The following NSD3 variants were observed in gnomAD, a reference collection of about 807,000 sequenced individuals.
NSD3 encodes the protein nuclear receptor binding SET domain protein 3.
Under a neutral mutation model 160.8 loss-of-function variants are expected in NSD3, and 24 were observed. That is an observed-to-expected ratio of 0.15 (90% CI 0.11 to 0.21). The LOEUF (loss-of-function observed/expected upper bound fraction) is 0.21. Ranked by LOEUF, NSD3 falls within the 10% of genes least tolerant of loss-of-function variation. NSD3 has a pLI of 1.00. For synonymous variants in NSD3, 520 were observed against 600.0 expected (o/e 0.87, Z 1.95); for missense variants, 1,157 against 1,735.9 (o/e 0.67, Z 5.93).
At chr8:38,291,214 T>G (rs766131527) in intron 16 of NSD3, among the ~76,000 whole-genome samples, 2 of 152,230 alleles carry the variant, frequency 1.3e-5, no homozygotes, top group Non-Finnish European at 2.9e-5. Flanking sequence ...TTTCAGAATC[T>G]AATTCATCTT....
At chr8:38,375,552 C>G (rs2150397446) in intron 1 of NSD3, among the ~76,000 whole-genome samples, 1 of 151,894 alleles carries the variant, frequency 6.6e-6, no homozygotes, top group South Asian at 2.1e-4. Flanking sequence ...TTACTAACAG[C>G]AACAGTAAAA....
At chr8:38,348,346 A>C in intron 1 of NSD3, 131 bp from the exon 2 acceptor site, 1 of 612,180 alleles carries the variant, frequency 1.6e-6, no homozygotes, top group Non-Finnish European at 2.6e-6. Context: ...GACATTAAAT[A>C]TTTCTAAAAC....
At chr8:38,303,501 A>G in intron 14 of NSD3, 1 of 537,076 alleles carries the variant, frequency 1.9e-6, no homozygotes, top group Non-Finnish European at 2.4e-6. Context: ...AGACCCTGCT[A>G]GCTACTCCAC....
intron 12 of NSD3, among the ~76,000 whole-genome samples, chr8:38,307,114 C>CAAAAA (rs1194554014): frequency 7.8e-5 from 5 of 64,064 alleles, no homozygotes; most frequent in South Asian, 1.0e-3. Flanking sequence ...GATACCGTCT[C>CAAAAA]AAAAAAAAAA....
Position 38,318,292 on chromosome 8 carries a change from C to T in NSD3, c.1855+603G>A, listed in dbSNP as rs1809716158. On this transcript the variant is annotated intron_variant, in intron 9 of 23. Coordinates refer to ENST00000317025, the MANE Select transcript of NSD3 (RefSeq NM_023034.2). The surrounding 1 kb of genome is among the most constrained non-coding windows in gnomAD (Gnocchi z 5.3). ...AAATACAGTTTGATCTCACCAAAAA[C>T]GCACGAATCATGCTATGGAGTTTGT... Among the ~76,000 whole-genome samples, 1 of 152,086 alleles carries T rather than the reference C, an allele frequency of 6.6e-6. No homozygotes were observed. Among genetic ancestry groups the T allele is most frequent in the Admixed American group, 6.6e-5 (1 of 15,260 alleles).
intron 8 of NSD3, chr8:38,320,842 C>G (rs987931760): frequency 2.7e-6 from 1 of 374,804 alleles, no homozygotes; most frequent in Non-Finnish European, 4.7e-6. Context: ...AAGTCTTGCA[C>G]CACTGGCTTC....
Position 38,331,976 on chromosome 8 carries a change from G to A in NSD3, c.911-391C>T, listed in dbSNP as rs1036034392. The stretch of plus-strand genomic sequence containing the variant: ...ATGGTCTCACTCTATGGCCCAGGCC[G>A]GACTGCAGTGGCATGATCCTAGCTC... On this transcript the variant is annotated intron_variant, in intron 4 of 23. Transcript: ENST00000317025. Among the ~76,000 whole-genome samples, 7 of 152,372 alleles carry A rather than the reference G, an allele frequency of 4.6e-5. No homozygotes were observed. In the South Asian group the frequency reaches 8.3e-4, roughly 18 times the overall value.
At chr8:38,333,797 G>A (rs1213199807) in intron 4 of NSD3, among the ~76,000 whole-genome samples, 1 of 152,086 alleles carries the variant, frequency 6.6e-6, no homozygotes, top group African/African-American at 2.4e-5. Flanking sequence ...AACCCGGGAA[G>A]CGGAGCTTGC....
rs1469459885 is a variant in NSD3, at chr8:38,338,522, G to A, written c.747+14C>T. On this transcript the variant is annotated intron_variant, in intron 3 of 23. Transcript: ENST00000317025. ...ACCATATTTGGTTAGACAGTATTCA[G>A]TAAAACAACTTACTGGGGCTTCCTC... 6.2e-7 allele frequency: 1 copy of A among 1,609,342 alleles called. No homozygotes were observed. The highest frequency in any genetic ancestry group is 8.5e-7 in the Non-Finnish European group (1 of 1,175,868).
chr8:38,315,489 G>C lies in NSD3; in HGVS notation c.2042C>G (p.Ser681Cys). The change falls in exon 11 of 24, where the codon TCT becomes TGT. Residue 681 changes from serine to cysteine, a missense_variant. Physicochemically the swap from Ser to Cys is moderately radical, Grantham distance 112. Coordinates refer to ENST00000317025, the MANE Select transcript of NSD3 (RefSeq NM_023034.2). ...SPSATADADV[S>C]DVQSMDSSLS... ...ACTTGAATCCATGGACTGCACATCA[G>C]AAACGTCTGCATCTGCAGTAGCTGA... 1 of 1,613,116 alleles carries C rather than the reference G, an allele frequency of 6.2e-7. No individual in the cohort carries two copies. The highest frequency in any genetic ancestry group is 8.5e-7 in the Non-Finnish European group (1 of 1,179,702).
In NSD3 at chr8:38,347,615, G is replaced by C; in HGVS notation, c.557C>G (p.Thr186Arg). 1 of 1,613,548 alleles carries C rather than the reference G, an allele frequency of 6.2e-7. No individual in the cohort carries two copies. The highest frequency in any genetic ancestry group is 2.2e-5 in the East Asian group (1 of 44,882). ...TTTTCTGCTTTCATGCTTTGATTTCGTGTGCTCACTTGCCTGTACTTCATT... is the reference window on the plus strand; with the variant it reads ...TTTTCTGCTTTCATGCTTTGATTTCCTGTGCTCACTTGCCTGTACTTCATT... ...LLNEVQASEH[T>R]KSKHESRKEK... The change falls in exon 2 of 24, where the codon ACG (threonine) becomes AGG (arginine). Residue 186 changes from threonine (T) to arginine (R), a missense_variant. Around this residue, in one of 10 missense-constraint regions of NSD3, gnomAD observed 99 missense variants for 151.8 expected, o/e 0.65. Coordinates refer to ENST00000317025, the MANE Select transcript of NSD3 (RefSeq NM_023034.2).
intron 1 of NSD3, among the ~76,000 whole-genome samples, chr8:38,359,720 C>T (rs548209448): frequency 2.8e-4 from 42 of 152,264 alleles, no homozygotes; most frequent in African/African-American, 1.0e-3. Context: ...AACTTTCAAA[C>T]AAAACGGATC....
chr8:38,290,506 C>A lies in NSD3; in HGVS notation c.3087G>T (p.Gly1029=). 1.2e-6 allele frequency: 2 copies of A among 1,614,094 alleles called. No homozygotes were observed. The highest frequency in any genetic ancestry group is 8.5e-7 in the Non-Finnish European group (1 of 1,180,010). ...TGAAGGTCTTGTTAATACTAGTCTG[C>A]CCTTCAGCAAAGCTTTTGTCTCCTT... ...YVEGDKSFAE[G]QTSINKTFKK... Residue 1029 remains glycine, a synonymous_variant, in exon 17 of 24, where the codon GGG becomes GGT. Coordinates refer to ENST00000317025, the MANE Select transcript of NSD3 (RefSeq NM_023034.2).
intron 2 of NSD3, among the ~76,000 whole-genome samples, chr8:38,344,820 T>A (rs893325592): frequency 8.5e-5 from 13 of 152,266 alleles, no homozygotes; most frequent in African/African-American, 3.1e-4. Flanking sequence ...TCTTTGGGCT[T>A]CCTTTTCACT....
chr8:38,372,800 G>T (rs750115555), intron 1 of NSD3, among the ~76,000 whole-genome samples: 3 of 147,146 alleles, frequency 2.0e-5, no homozygotes, highest in Admixed American at 6.8e-5. Context: ...CCGGCCGCAG[G>T]TTCTTACTAT....
At chr8:38,335,088 CA>C (rs1174075747) in intron 4 of NSD3, among the ~76,000 whole-genome samples, 4 of 149,854 alleles carry the variant, frequency 2.7e-5, no homozygotes, top group African/African-American at 9.8e-5. Context: ...CTCCTGGGTT[CA>C]AGTGATTCTC....
chr8:38,338,739 A>C, intron 2 of NSD3, 132 bp from the exon 3 acceptor site: 1 of 707,468 alleles, frequency 1.4e-6, no homozygotes. Context: ...TAACTGAACA[A>C]TGTAAGGAGT....
chr8:38,372,015 A>G (rs1775183202), intron 1 of NSD3, among the ~76,000 whole-genome samples: 1 of 152,236 alleles, frequency 6.6e-6, no homozygotes, highest in Non-Finnish European at 1.5e-5. Context: ...TTAAAACTCA[A>G]GAAGTACCAA....
intron 2 of NSD3, among the ~76,000 whole-genome samples, chr8:38,346,369 G>GTA (rs889656454): frequency 2.7e-5 from 4 of 146,296 alleles, no homozygotes; most frequent in Non-Finnish European, 6.0e-5. Flanking sequence ...ATGTATATAT[G>GTA]TATATATATG....
Sources: gnomAD v4.1 joint callset for allele counts (sites outside exome capture counted in the v4.1 genomes callset) on GRCh38, gnomAD v4.1.1 for gene constraint, gnomAD v4.1.1 regional missense constraint, Gnocchi (gnomAD v3.1) non-coding constraint, MANE v1.5 for transcripts, NCBI Gene and HGNC (gene_info 2026-07-23, HGNC 2026-07-21) for gene names.